ICAM1: variants seen among roughly 807,000 people sequenced by gnomAD.
ICAM1 encodes the protein intercellular adhesion molecule 1, also known as ICAM-1.
Under a neutral mutation model 42.3 loss-of-function variants are expected in ICAM1, and 28 were observed. That is an observed-to-expected ratio of 0.66 (90% CI 0.49 to 0.91). ICAM1 has a LOEUF of 0.91. ICAM1 is among the 40% of genes least tolerant of loss of function. ICAM1 has a pLI of 0.00. For missense variants in ICAM1, 637 were observed against 688.6 expected, an observed-to-expected ratio of 0.93 and a Z score of 0.84; for synonymous variants, 304 against 305.9, an observed-to-expected ratio of 0.99 and a Z score of 0.07.
chr19:10,286,495 G>C lies in ICAM1; in HGVS notation c.*1208G>C, dbSNP rs1368345605. 6.5e-6 allele frequency: 1 copy of C among 153,406 alleles called. No individual in the cohort carries two copies. Among genetic ancestry groups the C allele is most frequent in the Non-Finnish European group, 1.5e-5 (1 of 68,904 alleles). 9.5% of individuals were successfully genotyped at this position (153,406 alleles called of 1,614,324 possible). A position where few individuals can be genotyped will look rare whatever the true frequency, so the allele number is the denominator to read the frequency against. Reference sequence around the variant, plus strand: ...CCCACCTCAGCCTCCTGAGTAGCTGGGACCATAGGCTCACAACACCACACC... The same window carrying C: ...CCCACCTCAGCCTCCTGAGTAGCTGCGACCATAGGCTCACAACACCACACC... On this transcript the variant is annotated 3_prime_UTR_variant, in exon 7 of 7. Transcript: ENST00000264832.
At position 10,284,439 on chromosome 19, in the gene ICAM1, A is replaced by G. The variant is rs1269866645; in HGVS notation, c.962A>G (p.Glu321Gly). 4 of 1,613,788 alleles carry G rather than the reference A, an allele frequency of 2.5e-6. No homozygotes were observed. ...CCCAACGTGATTCTGACGAAGCCAG[A>G]GGTCTCAGAAGGGACCGAGGTGACA... ...PAPNVILTKPEVSEGTEVTVK... is the reference protein window; with the variant it reads ...PAPNVILTKPGVSEGTEVTVK... The change falls in exon 5 of 7, where the codon GAG (glutamate) becomes GGG (glycine). Residue 321 changes from glutamate (E) to glycine (G), a missense_variant. Coordinates refer to ENST00000264832, the MANE Select transcript of ICAM1 (RefSeq NM_000201.3). This position sits in a 1 kb window ranked among gnomAD's most constrained non-coding sequence, Gnocchi z 5.4.
intron 1 of ICAM1, among the ~76,000 whole-genome samples, chr19:10,272,476 C>A (rs750991871): frequency 3.9e-5 from 6 of 151,926 alleles, no homozygotes; most frequent in Non-Finnish European, 7.4e-5. Flanking sequence ...CAGTGCTGGG[C>A]TCAGACATTT....
In ICAM1 at chr19:10,271,797, G is replaced by A. The variant is rs1181944706; in HGVS notation, c.67+571G>A. Among the ~76,000 whole-genome samples the A allele has an allele frequency of 5.3e-5, 8 of 151,446 alleles. No individual in the cohort carries two copies. The Admixed American group carries it at 5.3e-4, about 10-fold the overall frequency. On this transcript the variant is annotated intron_variant, in intron 1 of 6. Transcript: ENST00000264832. ...CTCTCTGCCCCTGGGGAAGTCCAGG[G>A]CTGCTTCTACTTGGGGGAATTCCAG...
intron 2 of ICAM1, 40 bp from the exon 3 acceptor site, chr19:10,283,441 G>A (rs963009918): frequency 7.3e-6 from 11 of 1,513,830 alleles, no homozygotes; most frequent in Admixed American, 2.1e-5. Flanking sequence ...AGGCAGCAAG[G>A]TCCACTTCAC....
chr19:10,273,488 G>A (rs770158690), intron 1 of ICAM1, among the ~76,000 whole-genome samples: 5 of 115,858 alleles, frequency 4.3e-5, no homozygotes, highest in East Asian at 2.1e-4. Flanking sequence ...GCTAAACTCC[G>A]TCTCAAAAAA....
intron 2 of ICAM1, chr19:10,283,043 A>C (rs1408468642): frequency 6.6e-6 from 1 of 152,422 alleles, no homozygotes; most frequent in African/African-American, 2.4e-5. Flanking sequence ...ATTAAAAATA[A>C]AAATACAAAA....
chr19:10,274,466 C>T (rs2040002882), intron 1 of ICAM1, among the ~76,000 whole-genome samples: 1 of 152,080 alleles, frequency 6.6e-6, no homozygotes, highest in African/African-American at 2.4e-5. Flanking sequence ...AGGCACGTCC[C>T]ACCATGCCCA....
At chr19:10,280,197 C>A (rs1174951753) in intron 2 of ICAM1, among the ~76,000 whole-genome samples, 1 of 152,204 alleles carries the variant, frequency 6.6e-6, no homozygotes, top group Non-Finnish European at 1.5e-5. Context: ...GACTTCCTCC[C>A]CGCTGCACCA....
intron 2 of ICAM1, among the ~76,000 whole-genome samples, chr19:10,277,804 C>T (rs567165816): frequency 6.6e-6 from 1 of 152,292 alleles, no homozygotes; most frequent in South Asian, 2.1e-4. Context: ...CTCTTTGCGT[C>T]CTTCCTACTT....
Position 10,285,228 on chromosome 19 carries a change from C to T in ICAM1, c.1540C>T (p.Leu514=). Residue 514 remains leucine (L), a synonymous_variant, in exon 7 of 7, where the codon CTA becomes TTA. Coordinates refer to ENST00000264832, the MANE Select transcript of ICAM1 (RefSeq NM_000201.3). ...CCAGCGGAAGATCAAGAAATACAGACTACAACAGGCCCAAAAAGGGACCCC... is the reference window on the plus strand; with the variant it reads ...CCAGCGGAAGATCAAGAAATACAGATTACAACAGGCCCAAAAAGGGACCCC... ...NRQRKIKKYR[L]QQAQKGTPMK... The T allele has an allele frequency of 6.2e-7, 1 of 1,614,202 alleles. No homozygotes were observed. Among genetic ancestry groups the T allele is most frequent in the Non-Finnish European group, 8.5e-7 (1 of 1,180,030 alleles).
In ICAM1 at chr19:10,284,681, G is replaced by A. The variant is rs370481619; in HGVS notation, c.1180+24G>A. 1.5e-5 allele frequency: 24 copies of A among 1,613,158 alleles called. No homozygotes were observed. The highest frequency in any genetic ancestry group is 2.0e-5 in the Non-Finnish European group (24 of 1,179,568). On this transcript the variant is annotated intron_variant, in intron 5 of 6. Transcript: ENST00000264832. The surrounding 1 kb of genome is among the most constrained non-coding windows in gnomAD (Gnocchi z 5.4). ...GTGTGAGTGGGGCTGCTGGTCAATG[G>A]CCCCTATCCCCCAAGGCCCAATCTC...
intron 2 of ICAM1, among the ~76,000 whole-genome samples, chr19:10,280,432 G>A (rs533840193): frequency 3.8e-4 from 58 of 152,178 alleles, no homozygotes; most frequent in Admixed American, 1.0e-3. Context: ...GGAGTGCAGT[G>A]GTACAATCGT....
chr19:10,277,373 T>C lies in ICAM1; in HGVS notation c.331+2345T>C, dbSNP rs573552461. Among the ~76,000 whole-genome samples, 5 of 151,990 alleles carry C rather than the reference T, an allele frequency of 3.3e-5. No homozygotes were observed. The South Asian group carries it at 1.0e-3, about 32-fold the overall frequency. Reference sequence around the variant, plus strand: ...TTTTGTATTTTTAGTAGAGACAGGGTTTCTCCATGTTGGTCAGGCTGGTCT... The same window carrying C: ...TTTTGTATTTTTAGTAGAGACAGGGCTTCTCCATGTTGGTCAGGCTGGTCT... On this transcript the variant is annotated intron_variant, in intron 2 of 6. Coordinates refer to ENST00000264832, the MANE Select transcript of ICAM1 (RefSeq NM_000201.3).
At chr19:10,280,319 C>CTA (rs767272790) in intron 2 of ICAM1, among the ~76,000 whole-genome samples, 221 of 151,308 alleles carry the variant, frequency 1.5e-3, no homozygotes, top group East Asian at 3.1e-3. Context: ...GTTTTCTTGA[C>CTA]TATATATATA....
intron 1 of ICAM1, among the ~76,000 whole-genome samples, chr19:10,272,560 C>CTTTTTTTTTTTTTTTTTTTTTT (rs1174775027): frequency 7.1e-5 from 4 of 56,132 alleles, no homozygotes; most frequent in East Asian, 4.1e-4. Flanking sequence ...CTTTTCTTTT[C>CTTTTTTTTTTTTTTTTTTTTTT]TTTTTTTTTT....
intron 2 of ICAM1, 47 bp from the exon 3 acceptor site, chr19:10,283,434 C>T (rs1458936586): frequency 6.6e-7 from 1 of 1,504,990 alleles, no homozygotes; most frequent in Non-Finnish European, 8.9e-7. Context: ...GTTAGGCAGG[C>T]AGCAAGGTCC....
intron 2 of ICAM1, 86 bp from the exon 3 acceptor site, chr19:10,283,395 T>G (rs2040074830): frequency 7.4e-7 from 1 of 1,343,874 alleles, no homozygotes; most frequent in Non-Finnish European, 1.0e-6. Context: ...ACTGAAGAGG[T>G]AGGGCTCCCA....
At chr19:10,280,256 A>C (rs1432665280) in intron 2 of ICAM1, among the ~76,000 whole-genome samples, 1 of 152,216 alleles carries the variant, frequency 6.6e-6, no homozygotes. Context: ...AGGGTACCTC[A>C]AGTTCTGCAA....
chr19:10,275,973 G>T (rs536196760), intron 2 of ICAM1, among the ~76,000 whole-genome samples: 1 of 151,256 alleles, frequency 6.6e-6, no homozygotes, highest in Non-Finnish European at 1.5e-5. Context: ...CTCCCAAAGT[G>T]CTGGGATTAC....
Sources: allele counts gnomAD v4.1 joint callset (sites outside exome capture counted in the v4.1 genomes callset), GRCh38; gene constraint gnomAD v4.1.1; non-coding constraint Gnocchi (gnomAD v3.1); transcripts MANE v1.5; gene names NCBI Gene and HGNC (gene_info 2026-07-23, HGNC 2026-07-21).